ST6GAL2: variants seen among roughly 807,000 people sequenced by gnomAD.
ST6GAL2 encodes the protein beta-galactoside alpha-2,6-sialyltransferase 2.
In ST6GAL2, 24 loss-of-function variants were observed where a neutral mutation model predicts 37.5. The observed-to-expected ratio is 0.64, with a 90% confidence interval of 0.46 to 0.90. The LOEUF is 0.90. Among genes scored for constraint, ST6GAL2 ranks in the 40% least tolerant of loss-of-function variants. The probability of loss-of-function intolerance (pLI) is 0.00; values close to 1 mark genes in which losing one functional copy is unlikely to be tolerated. For synonymous variants in ST6GAL2, 306 were observed against 295.1 expected, an observed-to-expected ratio of 1.04 and a Z score of -0.38; for missense variants, 715 against 712.7, an observed-to-expected ratio of 1.00 and a Z score of -0.04.
intron 5 of ST6GAL2, among the ~76,000 whole-genome samples, chr2:106,814,818 CTCAG>C (rs1286195208): frequency 6.6e-6 from 1 of 152,206 alleles, no homozygotes; most frequent in Admixed American, 6.5e-5. Context: ...ATTCCTTATC[CTCAG>C]TCAGGCACAG....
chr2:106,883,742 C>T (rs1678844534), intron 1 of ST6GAL2, among the ~76,000 whole-genome samples: 1 of 139,530 alleles, frequency 7.2e-6, no homozygotes. Flanking sequence ...TACAGAAAAT[C>T]CAGGAAAAGA....
At chr2:106,863,373 T>G (rs1205618410) in intron 1 of ST6GAL2, among the ~76,000 whole-genome samples, 1 of 152,224 alleles carries the variant, frequency 6.6e-6, no homozygotes, top group Non-Finnish European at 1.5e-5. Context: ...GTTTTGGAGT[T>G]CTGTAGCTAA....
intron 1 of ST6GAL2, among the ~76,000 whole-genome samples, chr2:106,875,369 G>T (rs968828249): frequency 2.2e-4 from 33 of 151,808 alleles, no homozygotes; most frequent in Admixed American, 5.9e-4. Flanking sequence ...GTAGAGATGG[G>T]GTTTCGCCAT....
intron 5 of ST6GAL2, among the ~76,000 whole-genome samples, chr2:106,810,955 A>G (rs1675585863): frequency 1.1e-5 from 1 of 93,682 alleles, no homozygotes; most frequent in Non-Finnish European, 2.0e-5. Context: ...CATCCTGTCA[A>G]AATAAATAAA....
chr2:106,838,847 C>A (rs1231006052), intron 2 of ST6GAL2, among the ~76,000 whole-genome samples: 3 of 152,006 alleles, frequency 2.0e-5, no homozygotes, highest in African/African-American at 4.8e-5. Flanking sequence ...ACCAGCCTGG[C>A]CAACATCATG....
At chr2:106,857,514 G>T (rs183247909) in intron 1 of ST6GAL2, among the ~76,000 whole-genome samples, 38 of 152,232 alleles carry the variant, frequency 2.5e-4, no homozygotes, top group African/African-American at 8.2e-4. Context: ...TGAGGCAGGA[G>T]AATTGCTTAA....
chr2:106,873,660 T>C (rs985978635), intron 1 of ST6GAL2, among the ~76,000 whole-genome samples: 3 of 152,266 alleles, frequency 2.0e-5, no homozygotes, highest in African/African-American at 7.2e-5. Context: ...AGATGCTGAA[T>C]GCTATTTTTA....
intron 2 of ST6GAL2, among the ~76,000 whole-genome samples, chr2:106,836,273 G>A (rs1676632424): frequency 1.3e-5 from 2 of 152,052 alleles, no homozygotes; most frequent in African/African-American, 4.8e-5. Flanking sequence ...GCAATATGTT[G>A]TTTTATTTGA....
At chr2:106,887,238 T>C (rs1679042401), upstream of ST6GAL2, 2 of 152,230 alleles carry the variant, frequency 1.3e-5, no homozygotes, top group South Asian at 4.1e-4. Flanking sequence ...CCCGGCTCGC[T>C]AGCTCCCTTT....
chr2:106,879,617 T>TTA (rs138599122), intron 1 of ST6GAL2, among the ~76,000 whole-genome samples: 13,992 of 150,116 alleles, frequency 0.093, 875 homozygotes, highest in African/African-American at 0.15. Context: ...TATAGACCAA[T>TTA]TATATATATA....
rs1340597621 is a variant in ST6GAL2 at position 106,802,922 on chromosome 2, G to C, written c.*3756C>G. 6.6e-6 allele frequency: 1 copy of C among 152,138 alleles called. No individual in the cohort carries two copies. The highest frequency in any genetic ancestry group is 1.5e-5 in the Non-Finnish European group (1 of 68,048). 9.4% of individuals were successfully genotyped at this position (152,138 alleles called of 1,614,324 possible). On this transcript the variant is annotated 3_prime_UTR_variant, in exon 6 of 6. Transcript: ENST00000409382. ...TGATCTATAAGAAAAACTGGAGAGA[G>C]AACTTGAATCATGGCATTTGTGCGT...
At chr2:106,879,340 A>C (rs905266992) in intron 1 of ST6GAL2, among the ~76,000 whole-genome samples, 2 of 152,184 alleles carry the variant, frequency 1.3e-5, no homozygotes, top group Non-Finnish European at 2.9e-5. Context: ...TACGGAAGCA[A>C]TCACATTATT....
chr2:106,834,173 C>T (rs750685117), intron 2 of ST6GAL2, 27 bp from the exon 3 acceptor site: 7 of 1,534,004 alleles, frequency 4.6e-6, no homozygotes, highest in Non-Finnish European at 6.3e-6. Flanking sequence ...GACAAGCTTA[C>T]TTTTGTTCTC....
In ST6GAL2 at chr2:106,843,424, A is replaced by C. The variant is rs779852859; in HGVS notation, c.554T>G (p.Val185Gly). ...KRHRRQRRSH[V>G]LEEGDDGDRL... ...GTCGCCGTCGTCGCCCTCCTCCAACACGTGGCTCCTTCTCTGCCTCCGGTG... is the reference window on the plus strand; with the variant it reads ...GTCGCCGTCGTCGCCCTCCTCCAACCCGTGGCTCCTTCTCTGCCTCCGGTG... Residue 185 changes from valine (V) to glycine (G), a missense_variant, in exon 2 of 6, where the codon GTG (valine) becomes GGG (glycine). Coordinates refer to ENST00000409382, the MANE Select transcript of ST6GAL2 (RefSeq NM_001142351.2). The C allele has an allele frequency of 1.9e-6, 3 of 1,613,946 alleles. No individual in the cohort carries two copies. The Admixed American group carries it at 5.0e-5, about 27-fold the overall frequency.
At chr2:106,858,444 T>C (rs1462699297) in intron 1 of ST6GAL2, among the ~76,000 whole-genome samples, 4 of 152,158 alleles carry the variant, frequency 2.6e-5, no homozygotes, top group Admixed American at 1.3e-4. Context: ...TCCCCAGCCC[T>C]AAAGGATAAT....
At chr2:106,821,292 A>C (rs1336345710) in intron 5 of ST6GAL2, among the ~76,000 whole-genome samples, 1 of 151,608 alleles carries the variant, frequency 6.6e-6, no homozygotes. Context: ...GTTAGAGATG[A>C]AAAAGGAGAC....
chr2:106,871,414 GT>G (rs899446516), intron 1 of ST6GAL2, among the ~76,000 whole-genome samples: 2 of 151,954 alleles, frequency 1.3e-5, no homozygotes, highest in African/African-American at 4.8e-5. Context: ...AAAAAAAATG[GT>G]TTTCTTTCTT....
intron 5 of ST6GAL2, among the ~76,000 whole-genome samples, chr2:106,823,694 C>T (rs1199190522): frequency 6.6e-6 from 1 of 152,068 alleles, no homozygotes; most frequent in Non-Finnish European, 1.5e-5. Context: ...TTCCAAAATG[C>T]AATAAACTGG....
At chr2:106,824,862 T>C (rs1396603784) in intron 5 of ST6GAL2, 1 of 152,186 alleles carries the variant, frequency 6.6e-6, no homozygotes. Flanking sequence ...CAAATGCATA[T>C]CACCTTGCTG....
Sources: allele counts gnomAD v4.1 joint callset (sites outside exome capture counted in the v4.1 genomes callset), GRCh38; gene constraint gnomAD v4.1.1; transcripts MANE v1.5; gene names NCBI Gene and HGNC (gene_info 2026-07-23, HGNC 2026-07-21).